The following CHN2 variants were observed in gnomAD, a reference collection of about 807,000 sequenced individuals.
The protein encoded by CHN2 is chimerin 2.
CHN2 carries 35 observed loss-of-function variants against 56.3 expected under a neutral mutation model. The ratio of observed to expected loss-of-function variants is 0.62; its 90% CI spans 0.47 to 0.82. CHN2 has a LOEUF of 0.82. CHN2 is among the 40% of genes least tolerant of loss of function. The pLI is 0.00. For missense variants in CHN2, 491 were observed against 580.5 expected, an observed-to-expected ratio of 0.85 and a Z score of 1.58; for synonymous variants, 210 against 212.8, an observed-to-expected ratio of 0.99 and a Z score of 0.12.
intron 9 of CHN2, among the ~76,000 whole-genome samples, chr7:29,503,792 G>A (rs963022339): frequency 3.3e-5 from 5 of 152,172 alleles, no homozygotes; most frequent in South Asian, 2.1e-4. Flanking sequence ...AATATATGGC[G>A]GCAGCAGCAG....
At chr7:29,367,872 T>C (rs2301776) in intron 2 of CHN2, 60 bp from the exon 3 acceptor site, 55,606 of 1,405,598 alleles carry the variant, frequency 0.04, 1,944 homozygotes, top group East Asian at 0.19. Flanking sequence ...GGCACGTTGA[T>C]ATGTGTTGCA....
rs1267132289 is a variant in CHN2 at position 29,445,143 on chromosome 7, G to A, written c.577-35136G>A. On this transcript the variant is annotated intron_variant, in intron 6 of 12. Transcript: ENST00000222792. Reference sequence around the variant, plus strand: ...GGAACAGAAAGTTAGTGTCAATTCTGGAGAAATCCCACCAGTACATGTAAG... The same window carrying A: ...GGAACAGAAAGTTAGTGTCAATTCTAGAGAAATCCCACCAGTACATGTAAG... 6 of 455,970 alleles carry A rather than the reference G, an allele frequency of 1.3e-5. No homozygotes were observed. In the East Asian group the frequency reaches 4.2e-4, roughly 32 times the overall value. The allele number at this position is 455,970 out of a possible 1,614,324, so 28.2% of individuals were successfully genotyped here.
At chr7:29,383,545 A>T (rs1585219343) in intron 3 of CHN2, among the ~76,000 whole-genome samples, 1 of 152,238 alleles carries the variant, frequency 6.6e-6, no homozygotes, top group Non-Finnish European at 1.5e-5. Flanking sequence ...TCCCAGACAC[A>T]ACCAGAAATA....
chr7:29,354,368 A>T (rs1395021602), intron 1 of CHN2, among the ~76,000 whole-genome samples: 1 of 152,122 alleles, frequency 6.6e-6, no homozygotes, highest in Non-Finnish European at 1.5e-5. Context: ...ATCTTTTTTG[A>T]TTTACTGGGC....
chr7:29,214,948 G>C (rs1026578488), intron 1 of CHN2, among the ~76,000 whole-genome samples: 16 of 152,078 alleles, frequency 1.1e-4, no homozygotes, highest in Admixed American at 2.0e-4. Flanking sequence ...TCTTTATTCG[G>C]TCTGTTCTCA....
At chr7:29,285,364 A>G (rs996319879) in intron 1 of CHN2, among the ~76,000 whole-genome samples, 5 of 152,178 alleles carry the variant, frequency 3.3e-5, no homozygotes, top group Non-Finnish European at 5.9e-5. Flanking sequence ...TTTCCAGACA[A>G]AACATCTCCA....
intron 1 of CHN2, among the ~76,000 whole-genome samples, chr7:29,208,621 C>A (rs1388260045): frequency 6.6e-6 from 1 of 152,154 alleles, no homozygotes; most frequent in Non-Finnish European, 1.5e-5. Flanking sequence ...ACGGGCTAAG[C>A]CATCTCTAAC....
chr7:29,206,433 C>T (rs1184239986), intron 1 of CHN2, among the ~76,000 whole-genome samples: 1 of 152,088 alleles, frequency 6.6e-6, no homozygotes, highest in Non-Finnish European at 1.5e-5. Flanking sequence ...AGGTGCGTGC[C>T]ACCACACCCA....
intron 2 of CHN2, among the ~76,000 whole-genome samples, chr7:29,188,071 G>A (rs1214358578): frequency 2.0e-5 from 3 of 152,130 alleles, no homozygotes; most frequent in African/African-American, 7.2e-5. Flanking sequence ...GGGGTGGTAG[G>A]GAGAGATGAA....
intron 6 of CHN2, among the ~76,000 whole-genome samples, chr7:29,462,971 A>C (rs958087126): frequency 7.4e-6 from 1 of 135,648 alleles, no homozygotes; most frequent in Non-Finnish European, 1.5e-5. Flanking sequence ...GTTCCCAAGG[A>C]AGAGACCTAC....
intron 6 of CHN2, among the ~76,000 whole-genome samples, chr7:29,427,257 A>G (rs2043603308): frequency 6.6e-6 from 1 of 152,216 alleles, no homozygotes; most frequent in African/African-American, 2.4e-5. Flanking sequence ...CAGAGGTTGC[A>G]GTGAACTGAG....
In CHN2 at chr7:29,312,334, G is replaced by A. The variant is rs147390633; in HGVS notation, c.50-42291G>A. Among the ~76,000 whole-genome samples, 1,159 of 151,598 alleles carry A rather than the reference G, an allele frequency of 7.6e-3. 12 individuals carry two copies. Among genetic ancestry groups the A allele is most frequent in the African/African-American group, 0.026 (1,085 of 41,250 alleles). ...CTCCCTCCCTTGCTTCTTAATTTCC[G>A]TTCCCCTGAACCTTGCCAAATATGT... is the stretch of plus-strand genomic sequence containing the variant. On this transcript the variant is annotated intron_variant, in intron 1 of 12. Transcript: ENST00000222792.
chr7:29,390,315 T>C (rs1203301858), intron 3 of CHN2, among the ~76,000 whole-genome samples: 2 of 152,198 alleles, frequency 1.3e-5, no homozygotes, highest in Non-Finnish European at 2.9e-5. Context: ...CTTTCACTTC[T>C]TGGAGTCAGA....
intron 1 of CHN2, among the ~76,000 whole-genome samples, chr7:29,309,801 G>T (rs543172243): frequency 2.6e-5 from 4 of 152,186 alleles, no homozygotes; most frequent in Non-Finnish European, 5.9e-5. Flanking sequence ...ACTTTGCCAC[G>T]CAGGCTGGTT....
intron 1 of CHN2, among the ~76,000 whole-genome samples, chr7:29,204,063 CTCTCTGTG>C (rs1481007536): frequency 1.6e-3 from 175 of 108,934 alleles, no homozygotes; most frequent in African/African-American, 7.1e-3. Flanking sequence ...GTTTTTCTCT[CTCTCTGTG>C]TGTGTGTGTG....
chr7:29,151,307 C>G (rs1310397322), intron 2 of CHN2, among the ~76,000 whole-genome samples: 1 of 152,140 alleles, frequency 6.6e-6, no homozygotes, highest in Non-Finnish European at 1.5e-5. Flanking sequence ...CCAAATTAAT[C>G]TACGTCTTTT....
intron 1 of CHN2, among the ~76,000 whole-genome samples, chr7:29,304,769 G>T (rs936434568): frequency 6.6e-6 from 1 of 152,228 alleles, no homozygotes. Context: ...TATAGGGGGA[G>T]GCCAGCCTCT....
At chr7:29,432,843 T>A (rs765723852) in intron 6 of CHN2, among the ~76,000 whole-genome samples, 1 of 152,212 alleles carries the variant, frequency 6.6e-6, no homozygotes, top group Non-Finnish European at 1.5e-5. Context: ...AATATAATTA[T>A]GTTTTTCTCT....
intron 1 of CHN2, among the ~76,000 whole-genome samples, chr7:29,231,077 A>T (rs963115135): frequency 6.6e-6 from 1 of 152,170 alleles, no homozygotes; most frequent in East Asian, 1.9e-4. Context: ...CATTGTGATG[A>T]GCCTGGCGGG....
Sources: gnomAD v4.1 joint callset for allele counts (sites outside exome capture counted in the v4.1 genomes callset) on GRCh38, gnomAD v4.1.1 for gene constraint, MANE v1.5 for transcripts, NCBI Gene and HGNC (gene_info 2026-07-23, HGNC 2026-07-21) for gene names.